Variants in TENM1 observed in about 807,000 individuals in gnomAD.
The protein encoded by TENM1 is teneurin transmembrane protein 1, also known as teneurin-1.
TENM1 carries 35 observed loss-of-function variants against 174.8 expected under a neutral mutation model. The observed-to-expected ratio is 0.20, with a 90% CI of 0.15 to 0.27. TENM1 has a LOEUF of 0.27. TENM1 is among the 10% of genes least tolerant of loss of function. The probability of loss-of-function intolerance (pLI) is 1.00; values close to 1 mark genes in which losing one functional copy is unlikely to be tolerated. For missense variants in TENM1, 1,633 were observed against 2,130.1 expected (o/e 0.77, Z 4.59); for synonymous variants, 781 against 798.7 (o/e 0.98, Z 0.37).
intron 3 of TENM1, among the ~76,000 whole-genome samples, chrX:124,848,435 A>G (rs940567852): frequency 8.1e-5 from 9 of 111,331 alleles, no homozygotes; most frequent in Non-Finnish European, 1.3e-4. Context: ...ATTTTGGAAA[A>G]GACCTTAATG....
At chrX:124,835,638 C>T (rs1159062596) in intron 3 of TENM1, among the ~76,000 whole-genome samples, 1 of 111,729 alleles carries the variant, frequency 9.0e-6, no homozygotes, top group East Asian at 2.8e-4. Context: ...CTATTGGGAG[C>T]AATAGGACAC....
At chrX:124,599,442 C>A (rs1403723672) in intron 11 of TENM1, among the ~76,000 whole-genome samples, 5 of 110,791 alleles carry the variant, frequency 4.5e-5, no homozygotes, top group African/African-American at 6.6e-5. Context: ...ATTTTTAAGT[C>A]ACCAGTAAAA....
At position 124,425,116 on chromosome X, in the gene TENM1, G is replaced by T. The variant is rs913440932; in HGVS notation, c.4105-2478C>A. Among the ~76,000 whole-genome samples, 3 of 111,881 alleles carry T rather than the reference G, an allele frequency of 2.7e-5. No individual in the cohort carries two copies. In the East Asian group the frequency reaches 8.4e-4, roughly 31 times the overall value. On this transcript the variant is annotated intron_variant, in intron 23 of 31. Coordinates refer to ENST00000422452, the Ensembl canonical transcript of TENM1. The stretch of plus-strand genomic sequence containing the variant: ...CTAAGTAGTACTCCACAGTGTATAT[G>T]TACCACATTTTCTTTATCCATTCAT...
At chrX:124,628,807 C>T (rs1474064109) in intron 11 of TENM1, among the ~76,000 whole-genome samples, 1 of 111,741 alleles carries the variant, frequency 8.9e-6, no homozygotes, top group Non-Finnish European at 1.9e-5. Context: ...TAGGTGTTTT[C>T]ACATGACTAA....
chrX:124,523,771 G>C (rs1602594690), intron 16 of TENM1, 146 bp from the exon 20 acceptor site: 1 of 589,001 alleles, frequency 1.7e-6, no homozygotes, highest in East Asian at 3.6e-5. Flanking sequence ...ATTCTCTCTA[G>C]CAATGTATTC....
intron 1 of TENM1, among the ~76,000 whole-genome samples, chrX:124,953,486 G>C (rs999227571): frequency 1.8e-5 from 2 of 111,475 alleles, no homozygotes; most frequent in Non-Finnish European, 3.8e-5. Flanking sequence ...TATCTATTCA[G>C]ATTATCTTAC....
intron 3 of TENM1, among the ~76,000 whole-genome samples, chrX:124,875,014 T>C (rs1033260070): frequency 6.3e-5 from 7 of 111,773 alleles, no homozygotes; most frequent in African/African-American, 2.3e-4. Context: ...AGTATTCTTA[T>C]GTTTGTTTTT....
the TENM1 span, among the ~76,000 whole-genome samples, chrX:125,199,098 G>A: frequency 5.4e-5 from 6 of 111,387 alleles, no homozygotes; most frequent in African/African-American, 2.0e-4. Flanking sequence ...GTATTTTAAA[G>A]TGTTTTATTT....
chrX:125,137,993 T>C, the TENM1 span, among the ~76,000 whole-genome samples: 12 of 111,693 alleles, frequency 1.1e-4, no homozygotes. Context: ...TCCTTGCCAA[T>C]TTTAAATCAT....
At chrX:125,133,954 G>T in the TENM1 span, among the ~76,000 whole-genome samples, 87 of 111,392 alleles carry the variant, frequency 7.8e-4, no homozygotes, top group Non-Finnish European at 1.4e-3. Context: ...CTTCTGTTTA[G>T]ATATCAGTTG....
intron 7 of TENM1, among the ~76,000 whole-genome samples, 199 bp from the exon 11 acceptor site, chrX:124,652,323 C>T (rs752131236): frequency 7.2e-5 from 8 of 110,975 alleles, no homozygotes; most frequent in Admixed American, 9.6e-5. Flanking sequence ...CTTTGGGAGG[C>T]GAGGACAGGA....
chrX:125,197,401 T>C, the TENM1 span, among the ~76,000 whole-genome samples: 1 of 111,628 alleles, frequency 9.0e-6, no homozygotes, highest in African/African-American at 3.2e-5. Context: ...ACCGAGGCTA[T>C]AGAACCATAA....
At chrX:124,665,121 G>A (rs1240472003) in intron 6 of TENM1, among the ~76,000 whole-genome samples, 4 of 111,683 alleles carry the variant, frequency 3.6e-5, no homozygotes, top group South Asian at 3.8e-4. Context: ...GCAGATCACC[G>A]GAGGTTGGGA....
chrX:124,990,788 G>A, the TENM1 span, among the ~76,000 whole-genome samples: 2 of 112,065 alleles, frequency 1.8e-5, no homozygotes, highest in Admixed American at 9.5e-5. Flanking sequence ...GAAATAAGGC[G>A]CTGAGGACAT....
At chrX:124,954,400 C>A (rs1462057879) in intron 1 of TENM1, among the ~76,000 whole-genome samples, 1 of 112,070 alleles carries the variant, frequency 8.9e-6, no homozygotes, top group Non-Finnish European at 1.9e-5. Flanking sequence ...TCTTTCCCTT[C>A]TCCAATACTG....
At chrX:124,732,940 A>T (rs183935051) in intron 4 of TENM1, among the ~76,000 whole-genome samples, 189 of 111,815 alleles carry the variant, frequency 1.7e-3, no homozygotes, top group African/African-American at 6.0e-3. Flanking sequence ...GACTGACAAC[A>T]CATACACTGA....
intron 11 of TENM1, among the ~76,000 whole-genome samples, chrX:124,594,811 C>T (rs2049850251): frequency 8.9e-6 from 1 of 112,005 alleles, no homozygotes; most frequent in Non-Finnish European, 1.9e-5. Context: ...CAAAAGTAAA[C>T]ATTTGAATCT....
chrX:125,156,162 C>T, the TENM1 span, among the ~76,000 whole-genome samples: 1 of 112,297 alleles, frequency 8.9e-6, no homozygotes, highest in Admixed American at 9.4e-5. Context: ...CATAATCTAC[C>T]ACTAGTTGAG....
chrX:124,467,670 TAAAAC>T (rs1049326079), intron 22 of TENM1, among the ~76,000 whole-genome samples: 6 of 111,917 alleles, frequency 5.4e-5, no homozygotes, highest in Non-Finnish European at 9.4e-5. Context: ...AAGTCTTATT[TAAAAC>T]AAAACAAAAC....
Sources: allele counts gnomAD v4.1 joint callset (sites outside exome capture counted in the v4.1 genomes callset), GRCh38; gene constraint gnomAD v4.1.1; transcripts MANE v1.5; gene names NCBI Gene and HGNC (gene_info 2026-07-23, HGNC 2026-07-21).